Variants in TSHR observed in about 807,000 individuals in gnomAD.
TSHR encodes the protein thyrotropin receptor.
A neutral mutation model predicts 64.1 loss-of-function variants in TSHR; 51 were observed. The observed-to-expected ratio is 0.80, with a 90% confidence interval of 0.64 to 1.01. The LOEUF (loss-of-function observed/expected upper bound fraction) is 1.01. TSHR is among the 50% of genes least tolerant of loss of function. The pLI, the probability that TSHR is intolerant of heterozygous loss-of-function variation, is 0.00. For synonymous variants in TSHR, 361 were observed against 361.9 expected, an observed-to-expected ratio of 1.00 and a Z score of 0.03; for missense variants, 877 against 942.8, an observed-to-expected ratio of 0.93 and a Z score of 0.91.
In TSHR at chr14:81,024,537, G is replaced by T. The variant is rs540980451; in HGVS notation, c.171-37611G>T. ...GCTGGGATTACAGGCTTGGGCCACC[G>T]TGCCTGGCCAGGTATGCCTTTCTTA... On this transcript the variant is annotated intron_variant, in intron 1 of 9. Coordinates refer to ENST00000298171, the MANE Select transcript of TSHR (RefSeq NM_000369.5). Among the ~76,000 whole-genome samples the T allele has an allele frequency of 9.9e-5, 15 of 152,200 alleles. No individual in the cohort carries two copies. In the South Asian group the frequency reaches 1.9e-3, roughly 19 times the overall value.
intron 8 of TSHR, among the ~76,000 whole-genome samples, chr14:81,126,590 T>C (rs1264539849): frequency 1.3e-5 from 2 of 152,188 alleles, no homozygotes; most frequent in Admixed American, 1.3e-4. Flanking sequence ...CAAAAACTGG[T>C]AGAACATAAA....
At chr14:81,087,772 G>A (rs774700177) in intron 3 of TSHR, 182 bp from the exon 4 acceptor site, 7 of 671,600 alleles carry the variant, frequency 1.0e-5, no homozygotes, top group Admixed American at 2.1e-5. Context: ...GGGTCCCCGT[G>A]AGGAGACAGG....
intron 3 of TSHR, among the ~76,000 whole-genome samples, chr14:81,081,953 T>C (rs1418933927): frequency 6.6e-6 from 1 of 151,878 alleles, no homozygotes; most frequent in African/African-American, 2.4e-5. Flanking sequence ...TTTTGAACTA[T>C]AGGTGAGGTG....
intron 1 of TSHR, among the ~76,000 whole-genome samples, chr14:80,997,094 G>C (rs560837635): frequency 6.6e-6 from 1 of 152,168 alleles, no homozygotes; most frequent in East Asian, 1.9e-4. Flanking sequence ...AGCCCTAAGA[G>C]GCAGATTTTA....
intron 4 of TSHR, among the ~76,000 whole-genome samples, chr14:81,090,476 A>G (rs1888636159): frequency 6.6e-6 from 1 of 152,194 alleles, no homozygotes; most frequent in Admixed American, 6.5e-5. Flanking sequence ...CCTGGACTCA[A>G]GTGATCCACC....
rs1453934613 is a variant in TSHR, at chr14:81,119,114, A to G, written c.692+10662A>G. Among the ~76,000 whole-genome samples the G allele has an allele frequency of 1.4e-3, 188 of 136,998 alleles. No individual in the cohort carries two copies. In the Middle Eastern group the frequency reaches 0.018, roughly 13 times the overall value. 89.9% of individuals were successfully genotyped at this position (136,998 alleles called of 152,430 possible). On this transcript the variant is annotated intron_variant, in intron 8 of 9. Coordinates refer to ENST00000298171, the MANE Select transcript of TSHR (RefSeq NM_000369.5). ...AGGCATTACCATTCAGGACATAGGC[A>G]TGGGCAAGGACTTCATGTCTAAAAC...
intron 2 of TSHR, among the ~76,000 whole-genome samples, chr14:81,065,063 T>C (rs1268817195): frequency 6.6e-6 from 1 of 152,082 alleles, no homozygotes; most frequent in African/African-American, 2.4e-5. Flanking sequence ...ATAGAATTTA[T>C]TGGGTGAAAG....
intron 1 of TSHR, among the ~76,000 whole-genome samples, chr14:81,002,154 C>T (rs1361502740): frequency 6.6e-6 from 1 of 152,152 alleles, no homozygotes; most frequent in African/African-American, 2.4e-5. Flanking sequence ...CCAGTTCCTG[C>T]TTGAGTATAA....
Position 81,122,020 on chromosome 14 carries a change from C to CTTTTTTTTTTT in TSHR, c.692+13599_692+13609dup, listed in dbSNP as rs1161879777. Among the ~76,000 whole-genome samples, 14 of 44,906 alleles carry CTTTTTTTTTTT rather than the reference C, an allele frequency of 3.1e-4. 5 individuals carry two copies. The highest frequency in any genetic ancestry group is 2.6e-3 in the East Asian group (4 of 1,524). 29.5% of individuals were successfully genotyped at this position (44,906 alleles called of 152,430 possible). Reference sequence around the variant, plus strand: ...CTGGTTTGAGATGTGTTTTCTTTTCCTTTTTTTTTTTTTTTTTTTTTTTTT... The same window carrying CTTTTTTTTTTT: ...CTGGTTTGAGATGTGTTTTCTTTTCCTTTTTTTTTTTTTTTTTTTTTTTTTTTTTTTTTTTT... On this transcript the variant is annotated intron_variant, in intron 8 of 9. Transcript: ENST00000298171.
intron 8 of TSHR, among the ~76,000 whole-genome samples, chr14:81,133,187 C>G (rs1227260274): frequency 6.6e-6 from 1 of 152,196 alleles, no homozygotes. Context: ...TTTATTTTCT[C>G]TCCCTCCTGA....
intron 1 of TSHR, chr14:81,001,712 A>C: frequency 2.1e-6 from 1 of 465,906 alleles, no homozygotes. Context: ...CAGTTTCACG[A>C]GTGTTCTTAC....
At position 81,112,723 on chromosome 14, in the gene TSHR, G is replaced by A. The variant is rs547483302; in HGVS notation, c.692+4271G>A. Among the ~76,000 whole-genome samples, 8 of 152,266 alleles carry A rather than the reference G, an allele frequency of 5.3e-5. 1 individual carries two copies. The South Asian group carries it at 1.7e-3, about 32-fold the overall frequency. ...TACATTAAAGAACAGTGAGTGAAAA[G>A]CCTCATCAAGAAGGTGGCAATTCAG... On this transcript the variant is annotated intron_variant, in intron 8 of 9. Transcript: ENST00000298171.
chr14:81,082,596 A>T (rs1342085504), intron 3 of TSHR, among the ~76,000 whole-genome samples: 2 of 152,196 alleles, frequency 1.3e-5, no homozygotes, highest in Non-Finnish European at 2.9e-5. Flanking sequence ...TGATCCCACA[A>T]CACGGGCATT....
intron 6 of TSHR, 35 bp from the exon 7 acceptor site, chr14:81,096,604 C>T: frequency 1.2e-6 from 2 of 1,604,582 alleles, no homozygotes; most frequent in Non-Finnish European, 1.7e-6. Flanking sequence ...CACTTCTCAC[C>T]AGTCACTGAT....
intron 7 of TSHR, chr14:81,105,140 C>A: frequency 1.0e-6 from 1 of 985,204 alleles, no homozygotes; most frequent in Non-Finnish European, 1.2e-6. Context: ...GATAGCCTAC[C>A]AAGATTTGTG....
intron 1 of TSHR, among the ~76,000 whole-genome samples, chr14:81,040,723 A>G (rs1884879659): frequency 6.6e-6 from 1 of 152,216 alleles, no homozygotes; most frequent in African/African-American, 2.4e-5. Context: ...CAGAGTAAAC[A>G]GACAACCTAC....
intron 1 of TSHR, among the ~76,000 whole-genome samples, chr14:81,061,234 T>C (rs996687404): frequency 6.6e-6 from 1 of 152,158 alleles, no homozygotes; most frequent in Non-Finnish European, 1.5e-5. Context: ...CTTTTAAAGA[T>C]GTACTTAATG....
At chr14:81,008,318 GC>G (rs982922041) in intron 1 of TSHR, among the ~76,000 whole-genome samples, 27 of 151,764 alleles carry the variant, frequency 1.8e-4, no homozygotes, top group African/African-American at 6.5e-4. Context: ...GACTACAGGC[GC>G]CCCCCACCAC....
At chr14:80,986,783 G>A (rs964706081) in intron 1 of TSHR, among the ~76,000 whole-genome samples, 10 of 152,146 alleles carry the variant, frequency 6.6e-5, no homozygotes, top group Admixed American at 1.3e-4. Context: ...CACTGCTCCC[G>A]GCCTCATTCT....
Sources: gnomAD v4.1 joint callset for allele counts (sites outside exome capture counted in the v4.1 genomes callset) on GRCh38, gnomAD v4.1.1 for gene constraint, MANE v1.5 for transcripts, NCBI Gene and HGNC (gene_info 2026-07-23, HGNC 2026-07-21) for gene names.